The following RPRD2 variants were observed in gnomAD, a reference collection of about 807,000 sequenced individuals.
The protein encoded by RPRD2 is regulation of nuclear pre-mRNA domain containing 2.
Under a neutral mutation model 104.4 loss-of-function variants are expected in RPRD2, and 12 were observed. The ratio of observed to expected loss-of-function variants is 0.11; its 90% CI spans 0.07 to 0.19. The LOEUF is 0.19. Ranked by LOEUF, RPRD2 falls within the 10% of genes least tolerant of loss-of-function variation. The pLI, the probability that RPRD2 is intolerant of heterozygous loss-of-function variation, is 1.00. For synonymous variants in RPRD2, 714 were observed against 684.9 expected, an observed-to-expected ratio of 1.04 and a Z score of -0.66; for missense variants, 1,543 against 1,790.1, an observed-to-expected ratio of 0.86 and a Z score of 2.49.
chr1:150,435,037 A>T (rs367948213), intron 2 of RPRD2, among the ~76,000 whole-genome samples: 1 of 152,242 alleles, frequency 6.6e-6, no homozygotes, highest in East Asian at 1.9e-4. Context: ...ACATATGCTC[A>T]TTCATGTCTC....
intron 10 of RPRD2, 61 bp downstream of exon 10, chr1:150,464,788 C>T: frequency 7.8e-7 from 1 of 1,285,790 alleles, no homozygotes; most frequent in Non-Finnish European, 1.1e-6. Context: ...TTAAATTAAT[C>T]CTGGATTCCA....
intron 2 of RPRD2, among the ~76,000 whole-genome samples, chr1:150,425,414 C>T (rs1477837285): frequency 6.6e-6 from 1 of 152,086 alleles, no homozygotes; most frequent in African/African-American, 2.4e-5. Context: ...GAGGCCGAGG[C>T]AGGTGGATCA....
rs1479813295 is a variant in RPRD2 at position 150,364,695 on chromosome 1, C to T, written c.-20C>T. On this transcript the variant is annotated 5_prime_UTR_variant, in exon 1 of 11. Transcript: ENST00000369068. ...GCCGCCGCCGCCAGAGGAGCAGCAG[C>T]GCTTGTGCAAACCGGGAAGATGGCG... is the stretch of plus-strand genomic sequence containing the variant. 1 of 1,482,170 alleles carries T rather than the reference C, an allele frequency of 6.7e-7. No homozygotes were observed. The highest frequency in any genetic ancestry group is 9.2e-7 in the Non-Finnish European group (1 of 1,085,584). The allele number at this position is 1,482,170 out of a possible 1,614,324, so 91.8% of individuals were successfully genotyped here. A position where few individuals can be genotyped will look rare whatever the true frequency, so the allele number is the denominator to read the frequency against.
In RPRD2 at chr1:150,474,776, G is replaced by A. The variant is rs1668805967; in HGVS notation, c.*1442G>A. ...AGATGAGTAAAACAGTATGTGTTTA[G>A]TTTTCCAGAGAATTCTGGCAAGTTT... On this transcript the variant is annotated 3_prime_UTR_variant, in exon 11 of 11. Transcript: ENST00000369068. The A allele has an allele frequency of 6.6e-6, 1 of 152,066 alleles. No individual in the cohort carries two copies. Among genetic ancestry groups the A allele is most frequent in the Non-Finnish European group, 1.5e-5 (1 of 68,022 alleles). 9.4% of individuals were successfully genotyped at this position (152,066 alleles called of 1,614,324 possible).
chr1:150,388,815 C>T (rs1553882684), intron 1 of RPRD2, among the ~76,000 whole-genome samples: 1 of 151,930 alleles, frequency 6.6e-6, no homozygotes, highest in Non-Finnish European at 1.5e-5. Flanking sequence ...CCATATTGGC[C>T]AGGCTGGTCT....
chr1:150,468,982 C>A (rs1668449471), intron 10 of RPRD2, among the ~76,000 whole-genome samples: 2 of 149,698 alleles, frequency 1.3e-5, no homozygotes, highest in Non-Finnish European at 1.5e-5. Flanking sequence ...AGGATCATAA[C>A]TAAAGTAAAC....
intron 7 of RPRD2, among the ~76,000 whole-genome samples, chr1:150,448,869 T>C (rs1327966313): frequency 6.6e-6 from 1 of 152,200 alleles, no homozygotes; most frequent in South Asian, 2.1e-4. Flanking sequence ...CCAGATTCCA[T>C]GTCTTTTTTT....
Position 150,473,393 on chromosome 1 carries a change from G to T in RPRD2, c.*59G>T. On this transcript the variant is annotated 3_prime_UTR_variant, in exon 11 of 11. Transcript: ENST00000369068. ...AGAGAACATTGGAAGTAGGAGTTTG[G>T]TTTATTGTTGTTGTTTTTATTTGTT... is the stretch of plus-strand genomic sequence containing the variant. 6.9e-7 allele frequency: 1 copy of T among 1,453,604 alleles called. No homozygotes were observed. Among genetic ancestry groups the T allele is most frequent in the Non-Finnish European group, 9.2e-7 (1 of 1,088,040 alleles). 90.0% of individuals were successfully genotyped at this position (1,453,604 alleles called of 1,614,324 possible).
At chr1:150,402,650 T>C (rs1321428568) in intron 1 of RPRD2, among the ~76,000 whole-genome samples, 1 of 152,030 alleles carries the variant, frequency 6.6e-6, no homozygotes, top group East Asian at 1.9e-4. Context: ...CACTCCAGCC[T>C]AGGCAACAAT....
At chr1:150,447,500 A>C (rs1553895783) in intron 7 of RPRD2, among the ~76,000 whole-genome samples, 1 of 150,780 alleles carries the variant, frequency 6.6e-6, no homozygotes, top group Non-Finnish European at 1.5e-5. Flanking sequence ...ACACCTAGCT[A>C]ATTTCATATT....
chr1:150,401,801 G>A lies in RPRD2; in HGVS notation c.206-15795G>A, dbSNP rs1221202543. The stretch of plus-strand genomic sequence containing the variant: ...TGGGACTACAGGCACCCGCCACCAC[G>A]CCCGGCTAATTTTTTGTATTTTTAG... On this transcript the variant is annotated intron_variant, in intron 1 of 10. Coordinates refer to ENST00000369068, the MANE Select transcript of RPRD2 (RefSeq NM_015203.5). Among the ~76,000 whole-genome samples the A allele has an allele frequency of 1.2e-4, 18 of 150,128 alleles. No homozygotes were observed. In the Middle Eastern group the frequency reaches 0.011, roughly 91 times the overall value.
At chr1:150,446,102 A>G in intron 6 of RPRD2, 124 bp from the exon 7 acceptor site, 4 of 567,844 alleles carry the variant, frequency 7.0e-6, no homozygotes, top group African/African-American at 1.9e-5. Flanking sequence ...TAAGAGTATT[A>G]GAGTACTGCA....
rs192997635 is a variant in RPRD2 at position 150,372,260 on chromosome 1, G to A, written c.205+7341G>A. 3.3e-5 allele frequency among the ~76,000 whole-genome samples: 5 copies of A among 152,186 alleles called. No homozygotes were observed. The East Asian group carries it at 9.6e-4, about 29-fold the overall frequency. On this transcript the variant is annotated intron_variant, in intron 1 of 10. Coordinates refer to ENST00000369068, the MANE Select transcript of RPRD2 (RefSeq NM_015203.5). Reference sequence around the variant, plus strand: ...TTTCAATATTTATCAAACACCTACTGTGCCAGGCATTGTTTAGGCACAGGG... The same window carrying A: ...TTTCAATATTTATCAAACACCTACTATGCCAGGCATTGTTTAGGCACAGGG...
intron 1 of RPRD2, among the ~76,000 whole-genome samples, chr1:150,412,458 G>A (rs1664012648): frequency 1.3e-5 from 2 of 152,080 alleles, no homozygotes; most frequent in South Asian, 4.1e-4. Flanking sequence ...AATTTTGGAC[G>A]TTTTCCTATG....
chr1:150,443,245 A>T lies in RPRD2; in HGVS notation c.529A>T (p.Lys177Ter). The T allele has an allele frequency of 6.3e-7, 1 of 1,577,910 alleles. No individual in the cohort carries two copies. Residue 177 changes from lysine (K) to a stop codon, truncating the protein, a stop_gained, in exon 5 of 11, where the codon AAA (lysine) becomes TAA (stop). Coordinates refer to ENST00000369068, the MANE Select transcript of RPRD2 (RefSeq NM_015203.5). LOFTEE classifies it high-confidence loss of function. ...AATTCCAACAGCATCTACAAATCCA[A>T]AAGCTGCTCTCAAGTCTAAGATAGT... ...WKKSQTSTNP[K>*]AALKSKIVAE... is the part of the protein sequence containing the mutation.
At chr1:150,454,936 C>T (rs1553897283) in intron 7 of RPRD2, among the ~76,000 whole-genome samples, 1 of 151,988 alleles carries the variant, frequency 6.6e-6, no homozygotes, top group Non-Finnish European at 1.5e-5. Context: ...ATGAAAAATT[C>T]AAAAGATATC....
chr1:150,457,748 A>G (rs1553897940), intron 8 of RPRD2, among the ~76,000 whole-genome samples, 178 bp downstream of exon 8: 2 of 152,226 alleles, frequency 1.3e-5, no homozygotes, highest in Non-Finnish European at 2.9e-5. Context: ...TGTGTTAAGA[A>G]TCATTGCTCA....
At chr1:150,389,742 A>G (rs1359150228) in intron 1 of RPRD2, among the ~76,000 whole-genome samples, 4 of 152,176 alleles carry the variant, frequency 2.6e-5, no homozygotes, top group Non-Finnish European at 5.9e-5. Context: ...GACATTAACA[A>G]GCACACATTT....
In RPRD2 at chr1:150,464,731, A is replaced by G. The variant is rs1263135285; in HGVS notation, c.1612+4A>G. 6.2e-7 allele frequency: 1 copy of G among 1,608,230 alleles called. No individual in the cohort carries two copies. The highest frequency in any genetic ancestry group is 8.5e-7 in the Non-Finnish European group (1 of 1,176,444). ...CAGTCAGCCCCTGCACTGCAAGGTA[A>G]CTGACATATGCCAGAGGGACTCGAA... On this transcript the variant is annotated splice_donor_region_variant and intron_variant, in intron 10 of 10. Transcript: ENST00000369068.
Sources: gnomAD v4.1 joint callset for allele counts (sites outside exome capture counted in the v4.1 genomes callset) on GRCh38, gnomAD v4.1.1 for gene constraint, MANE v1.5 for transcripts, NCBI Gene and HGNC (gene_info 2026-07-23, HGNC 2026-07-21) for gene names.